Variants in PDE6A observed in about 807,000 individuals in gnomAD.
PDE6A encodes phosphodiesterase 6A, also known as rod cGMP-specific 3',5'-cyclic phosphodiesterase subunit alpha.
A neutral mutation model predicts 106.3 loss-of-function variants in PDE6A; 84 were observed. The observed-to-expected ratio is 0.79, with a 90% CI of 0.66 to 0.95. PDE6A has a LOEUF of 0.95. PDE6A is among the 40% of genes least tolerant of loss of function. The pLI, the probability that PDE6A is intolerant of heterozygous loss-of-function variation, is 0.00. For synonymous variants in PDE6A, 394 were observed against 386.6 expected (o/e 1.02, Z -0.23); for missense variants, 1,052 against 1,084.9 (o/e 0.97, Z 0.43).
At chr5:149,892,964 G>A (rs954044341) in intron 13 of PDE6A, among the ~76,000 whole-genome samples, 1 of 152,064 alleles carries the variant, frequency 6.6e-6, no homozygotes, top group African/African-American at 2.4e-5. Context: ...AAAACAGATT[G>A]GCCCCATACG....
At chr5:149,911,842 C>CAAAAAAAAAAAA (rs11430549) in intron 6 of PDE6A, among the ~76,000 whole-genome samples, 6 of 66,114 alleles carry the variant, frequency 9.1e-5, no homozygotes, top group Non-Finnish European at 1.7e-4. Context: ...TCTCTATTAC[C>CAAAAAAAAAAAA]AAAAAAAAAA....
At chr5:149,885,889 T>A (rs549024946) in intron 14 of PDE6A, among the ~76,000 whole-genome samples, 46 of 152,324 alleles carry the variant, frequency 3.0e-4, no homozygotes, top group African/African-American at 1.1e-3. Context: ...CATGCCTCCA[T>A]CTTCAAAGCC....
chr5:149,879,760 A>AT (rs1479624574), intron 17 of PDE6A, among the ~76,000 whole-genome samples: 2 of 151,826 alleles, frequency 1.3e-5, no homozygotes, highest in Non-Finnish European at 2.9e-5. Context: ...TGAACTCAAC[A>AT]TTTTTTATGG....
At position 149,944,212 on chromosome 5, in the gene PDE6A, G is replaced by T; in HGVS notation, c.462C>A (p.Pro154=). 1 of 1,612,750 alleles carries T rather than the reference G, an allele frequency of 6.2e-7. No homozygotes were observed. The highest frequency in any genetic ancestry group is 1.1e-5 in the South Asian group (1 of 90,970). ...VAHSKKIANV[P]NTEEDEHFCD... ...GGGAAGAGAGTACCTCCTCTGTGTT[G>T]GGGACGTTAGCAATCTTCTTAGAGT... Residue 154 remains proline (P), a synonymous_variant, in exon 1 of 22, where the codon CCC becomes CCA. Transcript: ENST00000255266.
intron 13 of PDE6A, among the ~76,000 whole-genome samples, chr5:149,894,460 CTTTA>C (rs1274993735): frequency 2.6e-5 from 4 of 151,928 alleles, no homozygotes; most frequent in African/African-American, 4.8e-5. Flanking sequence ...GTTTTCTAAT[CTTTA>C]TTTATTTATT....
Position 149,931,071 on chromosome 5 carries a change from C to G in PDE6A, c.815G>C (p.Cys272Ser). 1 of 1,614,122 alleles carries G rather than the reference C, an allele frequency of 6.2e-7. No individual in the cohort carries two copies. The highest frequency in any genetic ancestry group is 8.5e-7 in the Non-Finnish European group (1 of 1,179,972). The change falls in exon 4 of 22, where the codon TGT becomes TCT. Residue 272 changes from cysteine (C) to serine (S), a missense_variant. Physicochemically the swap from Cys to Ser is moderately radical, Grantham distance 112. Transcript: ENST00000255266. The part of the protein sequence containing the change: ...ALYTVRAFLN[C>S]DRYSVGLLDM... ...TAAGAGACCCACAGAGTATCTGTCA[C>G]AGTTGAGGAAAGCACGGACTGTGTA... is the stretch of plus-strand genomic sequence containing the variant.
intron 13 of PDE6A, 28 bp downstream of exon 13, chr5:149,895,155 C>T (rs1323240473): frequency 8.5e-6 from 12 of 1,412,164 alleles, no homozygotes; most frequent in African/African-American, 8.5e-5. Flanking sequence ...GCAAGCCCAC[C>T]CTACCAGCCC....
chr5:149,929,703 G>A (rs1003882002), intron 4 of PDE6A, among the ~76,000 whole-genome samples: 59 of 152,058 alleles, frequency 3.9e-4, no homozygotes, highest in African/African-American at 1.4e-3. Flanking sequence ...ACCTCAAAAA[G>A]GTAAAACTAA....
Position 149,902,127 on chromosome 5 carries a change from C to T in PDE6A, c.1113+1521G>A, listed in dbSNP as rs555715524. ...GTTCCTTGGTGTGCCTTTCCAGGCC[C>T]TGCAGGATCTGGTCTCTGTCCACCT... On this transcript the variant is annotated intron_variant, in intron 8 of 21. Coordinates refer to ENST00000255266, the MANE Select transcript of PDE6A (RefSeq NM_000440.3). Among the ~76,000 whole-genome samples the T allele has an allele frequency of 8.5e-5, 13 of 152,308 alleles. No homozygotes were observed. In the East Asian group the frequency reaches 2.3e-3, roughly 27 times the overall value.
intron 6 of PDE6A, among the ~76,000 whole-genome samples, chr5:149,909,286 G>A (rs761446609): frequency 1.3e-5 from 2 of 152,072 alleles, no homozygotes; most frequent in Non-Finnish European, 2.9e-5. Context: ...TCAGCCTCAC[G>A]TGTAGGACTG....
Position 149,934,677 on chromosome 5 carries a change from G to T in PDE6A, c.516C>A (p.Tyr172Ter), listed in dbSNP as rs774955417. The T allele has an allele frequency of 6.2e-7, 1 of 1,614,000 alleles. No homozygotes were observed. Among genetic ancestry groups the T allele is most frequent in the South Asian group, 1.1e-5 (1 of 91,070 alleles). ...FCDFVDILTEYKTKNILASPI... is the reference protein window; with the variant it reads ...FCDFVDILTE ...GGGAAGCCAAGATGTTCTTGGTCTTGTACTCTGTGAGGATGTCCACAAAGT... is the reference window on the plus strand; with the variant it reads ...GGGAAGCCAAGATGTTCTTGGTCTTTTACTCTGTGAGGATGTCCACAAAGT... The change falls in exon 2 of 22, where the codon TAC (tyrosine) becomes TAA (stop). Residue 172 changes from tyrosine to a stop codon, truncating the protein, a stop_gained. Coordinates refer to ENST00000255266, the MANE Select transcript of PDE6A (RefSeq NM_000440.3). LOFTEE classifies it high-confidence loss of function.
Position 149,897,700 on chromosome 5 carries a change from C to T in PDE6A, c.1407+663G>A, listed in dbSNP as rs1183847879. Among the ~76,000 whole-genome samples the T allele has an allele frequency of 2.6e-5, 4 of 152,134 alleles. No individual in the cohort carries two copies. In the East Asian group the frequency reaches 7.7e-4, roughly 29 times the overall value. On this transcript the variant is annotated intron_variant, in intron 10 of 21. Coordinates refer to ENST00000255266, the MANE Select transcript of PDE6A (RefSeq NM_000440.3). The stretch of plus-strand genomic sequence containing the variant: ...GGCTCAGGTGATCCTCCCACCTCAG[C>T]CTCCCGAGTAGCTGGGACTACAGGC...
At chr5:149,929,675 AGG>A (rs1753973700) in intron 4 of PDE6A, among the ~76,000 whole-genome samples, 1 of 152,108 alleles carries the variant, frequency 6.6e-6, no homozygotes, top group Non-Finnish European at 1.5e-5. Flanking sequence ...TGTGTATTGT[AGG>A]ATTTCATATA....
At chr5:149,939,568 G>A (rs554382396) in intron 1 of PDE6A, among the ~76,000 whole-genome samples, 5 of 152,260 alleles carry the variant, frequency 3.3e-5, no homozygotes, top group Non-Finnish European at 5.9e-5. Flanking sequence ...AATAAGGAAC[G>A]GGAGCTGCCA....
chr5:149,929,925 T>C (rs187762313), intron 4 of PDE6A, among the ~76,000 whole-genome samples: 1 of 152,296 alleles, frequency 6.6e-6, no homozygotes, highest in Admixed American at 6.5e-5. Flanking sequence ...CTTCTTTTTT[T>C]ATTTTTATTT....
chr5:149,915,804 T>A (rs1406324402), intron 5 of PDE6A, among the ~76,000 whole-genome samples: 1 of 152,192 alleles, frequency 6.6e-6, no homozygotes, highest in East Asian at 1.9e-4. Context: ...CCTGGCTGCT[T>A]ACGCTACCTG....
At chr5:149,907,405 ACT>A (rs1753232881) in intron 6 of PDE6A, 27 bp from the exon 7 acceptor site, 45 of 1,590,550 alleles carry the variant, frequency 2.8e-5, no homozygotes, top group Non-Finnish European at 3.8e-5. Context: ...CAAAACGGTG[ACT>A]CTCAGTGCAG....
chr5:149,934,128 A>T, intron 2 of PDE6A, 109 bp from the exon 3 acceptor site: 1 of 730,584 alleles, frequency 1.4e-6, no homozygotes, highest in South Asian at 1.5e-5. Context: ...CATCAGAGAC[A>T]ATTTGGGCAG....
At chr5:149,915,034 T>TAA in intron 5 of PDE6A, 27 bp from the exon 6 acceptor site, 1 of 145,130 alleles carries the variant, frequency 6.9e-6, no homozygotes. Flanking sequence ...AAATTATACT[T>TAA]TTTTTTTTTT....
Sources: gnomAD v4.1 joint callset for allele counts (sites outside exome capture counted in the v4.1 genomes callset) on GRCh38, gnomAD v4.1.1 for gene constraint, MANE v1.5 for transcripts, NCBI Gene and HGNC (gene_info 2026-07-23, HGNC 2026-07-21) for gene names.